The following CDH20 variants were observed in gnomAD, a reference collection of about 807,000 sequenced individuals.
CDH20 encodes the protein cadherin-20.
CDH20 carries 29 observed loss-of-function variants against 74.2 expected under a neutral mutation model. The ratio of observed to expected loss-of-function variants is 0.39; its 90% CI spans 0.29 to 0.53. The LOEUF (loss-of-function observed/expected upper bound fraction) is 0.53. Among genes scored for constraint, CDH20 ranks in the 20% least tolerant of loss-of-function variants. The pLI, the probability that CDH20 is intolerant of heterozygous loss-of-function variation, is 0.69. For missense variants in CDH20, 988 were observed against 1,048.3 expected (o/e 0.94, Z 0.79); for synonymous variants, 469 against 405.4 (o/e 1.16, Z -1.88).
chr18:61,524,173 A>G (rs1362787406), intron 6 of CDH20, among the ~76,000 whole-genome samples: 1 of 152,188 alleles, frequency 6.6e-6, no homozygotes, highest in Non-Finnish European at 1.5e-5. Context: ...TAAAATATAC[A>G]AAGACCTCCT....
intron 1 of CDH20, among the ~76,000 whole-genome samples, chr18:61,483,105 T>C (rs970937876): frequency 2.0e-5 from 3 of 152,232 alleles, no homozygotes; most frequent in Admixed American, 2.0e-4. Context: ...TTTCTCCTCC[T>C]GATGGAAATC....
chr18:61,402,829 G>A (rs988149307), intron 1 of CDH20, among the ~76,000 whole-genome samples: 1 of 152,154 alleles, frequency 6.6e-6, no homozygotes, highest in Non-Finnish European at 1.5e-5. Context: ...TTTTACACCA[G>A]AAAAGTTATT....
chr18:61,496,434 C>T (rs1349001306), intron 2 of CDH20, among the ~76,000 whole-genome samples: 2 of 151,348 alleles, frequency 1.3e-5, no homozygotes, highest in Non-Finnish European at 2.9e-5. Context: ...TTTCGCCCTC[C>T]CCCAGACCCT....
In CDH20 at chr18:61,496,601, C is replaced by CCGCTGT. The variant is rs145390003; in HGVS notation, c.247-2576_247-2571dup. On this transcript the variant is annotated intron_variant, in intron 2 of 11. Transcript: ENST00000262717. ...CAGGGGCGCCCTGTGGTGAGCTCTG[C>CCGCTGT]CGCTGTCGCTGTCGTTTCTTAAAGC... 9.8e-3 allele frequency among the ~76,000 whole-genome samples: 1,498 copies of CCGCTGT among 152,272 alleles called. 25 individuals are homozygous for CCGCTGT. Among genetic ancestry groups the CCGCTGT allele is most frequent in the African/African-American group, 0.033 (1,392 of 41,564 alleles).
At chr18:61,397,176 T>A (rs1411440843) in intron 1 of CDH20, among the ~76,000 whole-genome samples, 1 of 152,080 alleles carries the variant, frequency 6.6e-6, no homozygotes, top group Admixed American at 6.6e-5. Flanking sequence ...GGGGGTTGAC[T>A]CCTTCCCTAA....
chr18:61,341,478 T>A (rs962227476), intron 1 of CDH20, among the ~76,000 whole-genome samples: 8 of 152,100 alleles, frequency 5.3e-5, no homozygotes, highest in Non-Finnish European at 8.8e-5. Context: ...TATATGAAAT[T>A]GGGGGAGACA....
rs572383483 is a variant in CDH20 at position 61,501,681 on chromosome 18, G to T, written c.661+1179G>T. On this transcript the variant is annotated intron_variant, in intron 4 of 11. Coordinates refer to ENST00000262717, the MANE Select transcript of CDH20 (RefSeq NM_031891.4). ...ACATTCAGAAAATTGTATCATAAAA[G>T]TAGTAAGGGAGTGTAAATTAGGAGG... is the stretch of plus-strand genomic sequence containing the variant. 2.0e-5 allele frequency among the ~76,000 whole-genome samples: 3 copies of T among 152,256 alleles called. No homozygotes were observed. In the South Asian group the frequency reaches 6.2e-4, roughly 32 times the overall value.
At chr18:61,344,544 A>G (rs1204059935) in intron 1 of CDH20, among the ~76,000 whole-genome samples, 1 of 152,220 alleles carries the variant, frequency 6.6e-6, no homozygotes, top group Non-Finnish European at 1.5e-5. Flanking sequence ...TTAAATGCAG[A>G]TACCTAAAAT....
chr18:61,461,363 T>C (rs1909766799), intron 1 of CDH20, among the ~76,000 whole-genome samples: 2 of 151,202 alleles, frequency 1.3e-5, no homozygotes. Flanking sequence ...AAATTTATTT[T>C]CTCAGTTCTG....
At chr18:61,441,884 C>A (rs527385712) in intron 1 of CDH20, among the ~76,000 whole-genome samples, 4 of 152,262 alleles carry the variant, frequency 2.6e-5, no homozygotes, top group African/African-American at 9.6e-5. Flanking sequence ...ATGAAACTTA[C>A]AAACTATATC....
At chr18:61,481,046 T>C (rs939144127) in intron 1 of CDH20, among the ~76,000 whole-genome samples, 3 of 152,196 alleles carry the variant, frequency 2.0e-5, no homozygotes, top group African/African-American at 7.2e-5. Context: ...CATTAAACTG[T>C]TAAATACTTT....
intron 1 of CDH20, among the ~76,000 whole-genome samples, chr18:61,441,462 A>G (rs1354818964): frequency 6.6e-6 from 1 of 152,214 alleles, no homozygotes; most frequent in African/African-American, 2.4e-5. Context: ...GCACCAAATT[A>G]AGGGACTGGA....
intron 10 of CDH20, among the ~76,000 whole-genome samples, chr18:61,546,425 A>G (rs1317788321): frequency 6.6e-6 from 1 of 152,214 alleles, no homozygotes; most frequent in African/African-American, 2.4e-5. Context: ...TAATTCTGGA[A>G]GGAATGGTAA....
At position 61,555,671 on chromosome 18, in the gene CDH20, A is replaced by G; in HGVS notation, c.*976A>G. ...ATAGAGAATAAATGGATGTAAGAAA[A>G]TTACATGTACAAGTTTTGTATATTT... is the stretch of plus-strand genomic sequence containing the variant. On this transcript the variant is annotated 3_prime_UTR_variant, in exon 12 of 12. Coordinates refer to ENST00000262717, the MANE Select transcript of CDH20 (RefSeq NM_031891.4). 1.0e-6 allele frequency: 1 copy of G among 973,400 alleles called. No individual in the cohort carries two copies. Among genetic ancestry groups the G allele is most frequent in the South Asian group, 4.8e-5 (1 of 21,024 alleles). 60.3% of individuals were successfully genotyped at this position (973,400 alleles called of 1,614,324 possible). A position where few individuals can be genotyped will look rare whatever the true frequency, so the allele number is the denominator to read the frequency against.
chr18:61,511,238 CCTGTAGT>C (rs1911773233), intron 6 of CDH20, among the ~76,000 whole-genome samples: 1 of 151,568 alleles, frequency 6.6e-6, no homozygotes, highest in Admixed American at 6.6e-5. Context: ...CTCACTGCAG[CCTGTAGT>C]CCCAGCTACT....
Position 61,526,624 on chromosome 18 carries a change from C to G in CDH20, c.1018-1343C>G, listed in dbSNP as rs555202297. ...AACACACATGTTCATCAGCTTTAAA[C>G]AACAATAGATTAGTCTTCAGAAATA... On this transcript the variant is annotated intron_variant, in intron 6 of 11. Transcript: ENST00000262717. 6.5e-4 allele frequency among the ~76,000 whole-genome samples: 99 copies of G among 151,962 alleles called. 1 individual carries two copies. Among genetic ancestry groups the G allele is most frequent in the African/African-American group, 2.3e-3 (94 of 41,404 alleles).
chr18:61,447,309 T>A (rs928871197), intron 1 of CDH20, among the ~76,000 whole-genome samples: 1 of 152,218 alleles, frequency 6.6e-6, no homozygotes, highest in African/African-American at 2.4e-5. Flanking sequence ...AAATTTAAAC[T>A]GAATTCACAA....
At chr18:61,532,549 TATATATAC>T (rs144674110) in intron 7 of CDH20, among the ~76,000 whole-genome samples, 65,028 of 112,034 alleles carry the variant, frequency 0.58, 14,436 homozygotes, top group Non-Finnish European at 0.62. Flanking sequence ...TATATATATA[TATATATAC>T]ACACACACAC....
At chr18:61,537,833 G>A (rs1438209527) in intron 8 of CDH20, among the ~76,000 whole-genome samples, 1 of 152,100 alleles carries the variant, frequency 6.6e-6, no homozygotes, top group Non-Finnish European at 1.5e-5. Context: ...AAAGAGTAGA[G>A]CATAATTTTT....
Sources: allele counts gnomAD v4.1 joint callset (sites outside exome capture counted in the v4.1 genomes callset), GRCh38; gene constraint gnomAD v4.1.1; transcripts MANE v1.5; gene names NCBI Gene and HGNC (gene_info 2026-07-23, HGNC 2026-07-21).